ACADM: variants seen among roughly 807,000 people sequenced by gnomAD.
ACADM encodes medium-chain specific acyl-CoA dehydrogenase, mitochondrial.
A neutral mutation model predicts 58.9 loss-of-function variants in ACADM; 49 were observed. That is an observed-to-expected ratio of 0.83 (90% CI 0.66 to 1.06). The LOEUF (loss-of-function observed/expected upper bound fraction) is 1.06. Among genes scored for constraint, ACADM ranks in the 50% least tolerant of loss-of-function variants. ACADM has a pLI of 0.00. For synonymous variants in ACADM, 160 were observed against 157.7 expected (o/e 1.01, Z -0.11); for missense variants, 496 against 507.0 (o/e 0.98, Z 0.21).
At chr1:75,729,295 CT>C (rs35372302) in intron 2 of ACADM, among the ~76,000 whole-genome samples, 1,047 of 85,332 alleles carry the variant, frequency 0.012, 7 homozygotes, top group South Asian at 0.023. Flanking sequence ...TTTCTTTTTT[CT>C]TTTTTTTTTT....
rs762704029 is a variant in ACADM at position 75,724,835 on chromosome 1, G to A, written c.30+18G>A. ...GCTGCAGGGTGAGAGGGAGCCCAGCGGTGCGGTGGGGCTGGAACATGGGTA... is the reference window on the plus strand; with the variant it reads ...GCTGCAGGGTGAGAGGGAGCCCAGCAGTGCGGTGGGGCTGGAACATGGGTA... On this transcript the variant is annotated intron_variant, in intron 1 of 11. Transcript: ENST00000370841. The A allele has an allele frequency of 6.8e-7, 1 of 1,470,940 alleles. No homozygotes were observed. The highest frequency in any genetic ancestry group is 9.0e-7 in the Non-Finnish European group (1 of 1,105,838). 91.1% of individuals were successfully genotyped at this position (1,470,940 alleles called of 1,614,324 possible).
rs536466804 is a variant in ACADM at position 75,746,838 on chromosome 1, A to G, written c.708+924A>G. On this transcript the variant is annotated intron_variant, in intron 8 of 11. Coordinates refer to ENST00000370841, the MANE Select transcript of ACADM (RefSeq NM_000016.6). ...GGTCTCAGACTCCTGGGCTCAAGCA[A>G]TCCTCCCACCTTGGCCCCCTAAAGT... Among the ~76,000 whole-genome samples, 26 of 152,208 alleles carry G rather than the reference A, an allele frequency of 1.7e-4. No homozygotes were observed. In the South Asian group the frequency reaches 3.9e-3, roughly 23 times the overall value.
chr1:75,748,519 C>A (rs1378665329), intron 8 of ACADM, among the ~76,000 whole-genome samples: 2 of 152,038 alleles, frequency 1.3e-5, no homozygotes, highest in African/African-American at 2.4e-5. Context: ...TATGGTACAT[C>A]CAAGAGTGGG....
At chr1:75,726,411 A>G (rs1405488103) in intron 1 of ACADM, among the ~76,000 whole-genome samples, 1 of 149,568 alleles carries the variant, frequency 6.7e-6, no homozygotes, top group African/African-American at 2.5e-5. Flanking sequence ...ACCTGGTTTG[A>G]GTTCTGACTT....
At chr1:75,745,771 T>C in intron 7 of ACADM, 35 bp from the exon 8 acceptor site, 1 of 1,453,110 alleles carries the variant, frequency 6.9e-7, no homozygotes, top group East Asian at 2.3e-5. Flanking sequence ...TATTTGCCGA[T>C]ATTATCACCA....
intron 11 of ACADM, 162 bp downstream of exon 11, chr1:75,761,532 A>C: frequency 1.3e-6 from 1 of 745,264 alleles, no homozygotes; most frequent in Non-Finnish European, 2.2e-6. Context: ...AGAAAGAAGA[A>C]TGTTATTTGT....
At chr1:75,727,881 T>A (rs1647080595) in intron 1 of ACADM, among the ~76,000 whole-genome samples, 1 of 152,148 alleles carries the variant, frequency 6.6e-6, no homozygotes, top group African/African-American at 2.4e-5. Context: ...GAACATGGTT[T>A]TATGCTAATT....
chr1:75,756,440 A>G (rs1570902502), intron 10 of ACADM, among the ~76,000 whole-genome samples: 1 of 152,206 alleles, frequency 6.6e-6, no homozygotes, highest in African/African-American at 2.4e-5. Flanking sequence ...GAGCCAAATC[A>G]TGAGTGAACT....
chr1:75,733,376 A>T (rs575410693), intron 4 of ACADM, 152 bp from the exon 5 acceptor site: 30 of 979,400 alleles, frequency 3.1e-5, no homozygotes, highest in African/African-American at 5.0e-5. Context: ...ATAATTTCTT[A>T]TTGTGCCAGC....
chr1:75,737,135 T>G (rs1370164998), intron 6 of ACADM, among the ~76,000 whole-genome samples: 1 of 150,652 alleles, frequency 6.6e-6, no homozygotes, highest in Non-Finnish European at 1.5e-5. Context: ...AATGATCAAA[T>G]AAGAAGCCAA....
chr1:75,741,878 G>A (rs1427528486), intron 7 of ACADM, among the ~76,000 whole-genome samples: 1 of 152,020 alleles, frequency 6.6e-6, no homozygotes, highest in Non-Finnish European at 1.5e-5. Flanking sequence ...TTCTTATGTT[G>A]CACTTCAAGA....
At chr1:75,757,404 C>T (rs1454682884) in intron 10 of ACADM, among the ~76,000 whole-genome samples, 1 of 152,144 alleles carries the variant, frequency 6.6e-6, no homozygotes, top group African/African-American at 2.4e-5. Context: ...AGGATATGAA[C>T]AGACACTTCT....
intron 8 of ACADM, among the ~76,000 whole-genome samples, chr1:75,748,879 A>C (rs915932603): frequency 7.1e-6 from 1 of 141,662 alleles, no homozygotes; most frequent in Non-Finnish European, 1.5e-5. Flanking sequence ...ATTATACCTC[A>C]GTAAACCTAA....
At position 75,734,925 on chromosome 1, in the gene ACADM, C is replaced by T. The variant is rs1394170282; in HGVS notation, c.468+54C>T. Reference sequence around the variant, plus strand: ...CACACTTAAGAAGGGAACAAAGGTGCTATTTCTCCTTTTCAGTCTATATGT... The same window carrying T: ...CACACTTAAGAAGGGAACAAAGGTGTTATTTCTCCTTTTCAGTCTATATGT... On this transcript the variant is annotated intron_variant, in intron 6 of 11. Coordinates refer to ENST00000370841, the MANE Select transcript of ACADM (RefSeq NM_000016.6). The T allele has an allele frequency of 5.2e-6, 7 of 1,344,510 alleles. No individual in the cohort carries two copies. The African/African-American group carries it at 1.0e-4, about 19-fold the overall frequency. 83.3% of individuals were successfully genotyped at this position (1,344,510 alleles called of 1,614,324 possible). A position where few individuals can be genotyped will look rare whatever the true frequency, so the allele number is the denominator to read the frequency against.
chr1:75,743,074 G>A (rs572457001), intron 7 of ACADM, among the ~76,000 whole-genome samples: 2 of 152,282 alleles, frequency 1.3e-5, no homozygotes, highest in South Asian at 2.1e-4. Flanking sequence ...CATGGTCCTC[G>A]GGGGTTTCTC....
chr1:75,758,677 G>GT (rs1648644792), intron 10 of ACADM, among the ~76,000 whole-genome samples: 1 of 152,136 alleles, frequency 6.6e-6, no homozygotes, highest in African/African-American at 2.4e-5. Context: ...CTGTAAAAAT[G>GT]CACCAATCAG....
In ACADM at chr1:75,750,524, C is replaced by CT. The variant is rs875989864; in HGVS notation, c.926dup (p.Gly310ArgfsTer16). 6.2e-7 allele frequency: 1 copy of CT among 1,612,088 alleles called. No individual in the cohort carries two copies. The stretch of plus-strand genomic sequence containing the variant: ...ACCAAGTATGCCCTGGAAAGGAAAA[C>CT]TTTCGGAAAGCTACTTGTAGAGGTA... On this transcript the variant is annotated frameshift_variant, in exon 10 of 12. Transcript: ENST00000370841. LOFTEE classifies it high-confidence loss of function.
At chr1:75,734,519 T>C (rs1400702318) in intron 5 of ACADM, 2 of 400,858 alleles carry the variant, frequency 5.0e-6, no homozygotes, top group Non-Finnish European at 9.4e-6. Flanking sequence ...GTGTCACATA[T>C]TCTAAACATA....
Position 75,750,711 on chromosome 1 carries a change from GC to G in ACADM, c.945+167del, listed in dbSNP as rs1330737205. 4.5e-6 allele frequency: 3 copies of G among 674,024 alleles called. No individual in the cohort carries two copies. The Admixed American group carries it at 6.6e-5, about 15-fold the overall frequency. The allele number at this position is 674,024 out of a possible 1,614,324, so 41.8% of individuals were successfully genotyped here. A position where few individuals can be genotyped will look rare whatever the true frequency, so the allele number is the denominator to read the frequency against. Reference sequence around the variant, plus strand: ...TCAAAGACATTTCTTTTTAGAGTGTGCCACTATTGGTTACTTCTGAACCTGA... The same window carrying G: ...TCAAAGACATTTCTTTTTAGAGTGTGCACTATTGGTTACTTCTGAACCTGA... On this transcript the variant is annotated intron_variant, in intron 10 of 11. Transcript: ENST00000370841.
Sources: gnomAD v4.1 joint callset for allele counts (sites outside exome capture counted in the v4.1 genomes callset) on GRCh38, gnomAD v4.1.1 for gene constraint, MANE v1.5 for transcripts, NCBI Gene and HGNC (gene_info 2026-07-23, HGNC 2026-07-21) for gene names.